BABAM2: variants seen among roughly 807,000 people sequenced by gnomAD.
The protein encoded by BABAM2 is BRISC and BRCA1-A complex member 2.
In BABAM2, 31 loss-of-function variants were observed where a neutral mutation model predicts 54.7. The ratio of observed to expected loss-of-function variants is 0.57; its 90% confidence interval spans 0.43 to 0.77. The LOEUF (loss-of-function observed/expected upper bound fraction) is 0.77. Ranked by LOEUF, BABAM2 falls within the 30% of genes least tolerant of loss-of-function variation. The pLI, the probability that BABAM2 is intolerant of heterozygous loss-of-function variation, is 0.00. For synonymous variants in BABAM2, 167 were observed against 162.9 expected (o/e 1.03, Z -0.19); for missense variants, 364 against 455.8 (o/e 0.80, Z 1.83).
intron 6 of BABAM2, among the ~76,000 whole-genome samples, chr2:28,060,280 A>G (rs1294432761): frequency 1.3e-5 from 2 of 152,206 alleles, no homozygotes; most frequent in African/African-American, 2.4e-5. Context: ...TAGAAAAAAC[A>G]TTTGACAAAA....
chr2:28,043,534 G>A (rs556743527), intron 5 of BABAM2, among the ~76,000 whole-genome samples: 2 of 152,232 alleles, frequency 1.3e-5, no homozygotes, highest in East Asian at 1.9e-4. Context: ...TTCTCACTGG[G>A]CTAGGTGTCC....
intron 6 of BABAM2, among the ~76,000 whole-genome samples, chr2:28,064,650 A>T (rs1421784346): frequency 6.6e-6 from 1 of 152,178 alleles, no homozygotes; most frequent in East Asian, 1.9e-4. Context: ...GAGAATTGGC[A>T]TGTGTGAGGC....
intron 2 of BABAM2, among the ~76,000 whole-genome samples, chr2:27,904,926 A>C (rs1466879825): frequency 6.6e-6 from 1 of 152,248 alleles, no homozygotes; most frequent in Non-Finnish European, 1.5e-5. Context: ...GACCTAAAAT[A>C]ATAGCTATAT....
At chr2:28,035,801 C>T (rs545570320) in intron 5 of BABAM2, among the ~76,000 whole-genome samples, 1 of 152,192 alleles carries the variant, frequency 6.6e-6, no homozygotes, top group South Asian at 2.1e-4. Flanking sequence ...ACCTAAATTA[C>T]TTTATACCTC....
At chr2:28,169,574 C>T (rs1382999846) in intron 7 of BABAM2, among the ~76,000 whole-genome samples, 1 of 151,950 alleles carries the variant, frequency 6.6e-6, no homozygotes, top group South Asian at 2.1e-4. Context: ...CCCAGGAGTT[C>T]GAGACCAGCC....
intron 3 of BABAM2, among the ~76,000 whole-genome samples, chr2:27,957,168 G>A (rs566589637): frequency 3.9e-5 from 6 of 152,122 alleles, no homozygotes; most frequent in Non-Finnish European, 8.8e-5. Context: ...TCTGTTTTCT[G>A]CAACATTATC....
intron 3 of BABAM2, among the ~76,000 whole-genome samples, chr2:27,974,844 C>G (rs144254353): frequency 5.3e-4 from 80 of 152,056 alleles, no homozygotes; most frequent in African/African-American, 1.9e-3. Flanking sequence ...TAGAAAATCC[C>G]AACGCATATT....
chr2:27,977,677 C>A (rs1245668288), intron 3 of BABAM2, among the ~76,000 whole-genome samples: 1 of 152,112 alleles, frequency 6.6e-6, no homozygotes, highest in Non-Finnish European at 1.5e-5. Context: ...CACCTAGAAT[C>A]TTATCTTGAG....
At chr2:28,143,244 A>G (rs1047329491) in intron 7 of BABAM2, among the ~76,000 whole-genome samples, 2 of 152,158 alleles carry the variant, frequency 1.3e-5, no homozygotes, top group Non-Finnish European at 2.9e-5. Context: ...TAAGCCAAGC[A>G]TAGAAAGAAA....
chr2:28,163,128 CGGT>C (rs1366991050), intron 7 of BABAM2, among the ~76,000 whole-genome samples: 1 of 152,102 alleles, frequency 6.6e-6, no homozygotes, highest in African/African-American at 2.4e-5. Flanking sequence ...CGAAAAAAGA[CGGT>C]GGTGTCATCT....
At chr2:28,127,968 G>A (rs1669711505) in intron 6 of BABAM2, among the ~76,000 whole-genome samples, 1 of 151,768 alleles carries the variant, frequency 6.6e-6, no homozygotes, top group Admixed American at 6.6e-5. Flanking sequence ...CACCACGCCC[G>A]GCTAATTTTG....
chr2:27,905,738 T>C (rs933506282), intron 2 of BABAM2, among the ~76,000 whole-genome samples: 28 of 152,136 alleles, frequency 1.8e-4, no homozygotes, highest in Admixed American at 1.7e-3. Flanking sequence ...CTCACTCTCA[T>C]CTAACAAAAC....
intron 2 of BABAM2, among the ~76,000 whole-genome samples, chr2:27,921,689 A>G (rs1319693330): frequency 6.6e-6 from 1 of 152,234 alleles, no homozygotes; most frequent in Non-Finnish European, 1.5e-5. Context: ...ATATAATTAA[A>G]GAGCTTAGAA....
intron 7 of BABAM2, among the ~76,000 whole-genome samples, chr2:28,165,304 A>G (rs1305917286): frequency 6.6e-6 from 1 of 152,234 alleles, no homozygotes; most frequent in Non-Finnish European, 1.5e-5. Context: ...AGGATTCTAC[A>G]GAGAGAGGAC....
intron 6 of BABAM2, among the ~76,000 whole-genome samples, chr2:28,047,124 G>A (rs1677642763): frequency 6.6e-6 from 1 of 152,110 alleles, no homozygotes; most frequent in Admixed American, 6.6e-5. Context: ...TTAGTTTCCA[G>A]TTGACTAGTT....
At chr2:28,197,220 G>A (rs1677694331) in intron 7 of BABAM2, among the ~76,000 whole-genome samples, 1 of 152,086 alleles carries the variant, frequency 6.6e-6, no homozygotes, top group Non-Finnish European at 1.5e-5. Context: ...ATCAGGTATA[G>A]AAAGACTTTC....
intron 6 of BABAM2, among the ~76,000 whole-genome samples, chr2:28,067,224 G>A (rs55692007): frequency 0.068 from 10,280 of 152,198 alleles, 533 homozygotes; most frequent in African/African-American, 0.14. Flanking sequence ...GAGCCACTGC[G>A]CGTGGCCCTT....
At chr2:27,973,860 A>C (rs1335084732) in intron 3 of BABAM2, among the ~76,000 whole-genome samples, 2 of 152,120 alleles carry the variant, frequency 1.3e-5, no homozygotes, top group Non-Finnish European at 2.9e-5. Flanking sequence ...GGCTTTGAAA[A>C]CTATTCTGAT....
At chr2:28,290,490 C>T (rs1282073202) in intron 10 of BABAM2, among the ~76,000 whole-genome samples, 1 of 152,192 alleles carries the variant, frequency 6.6e-6, no homozygotes, top group African/African-American at 2.4e-5. Flanking sequence ...AAATGTTTGT[C>T]AATCAAATGG....
Sources: gnomAD v4.1 joint callset for allele counts (sites outside exome capture counted in the v4.1 genomes callset) on GRCh38, gnomAD v4.1.1 for gene constraint, MANE v1.5 for transcripts, NCBI Gene and HGNC (gene_info 2026-07-23, HGNC 2026-07-21) for gene names.